The following IDO2 variants were observed in gnomAD, a reference collection of about 807,000 sequenced individuals.
The protein encoded by IDO2 is indoleamine 2,3-dioxygenase 2.
In IDO2, 46 loss-of-function variants were observed where a neutral mutation model predicts 45.1. That is an observed-to-expected ratio of 1.02 (90% CI 0.80 to 1.30). The LOEUF (loss-of-function observed/expected upper bound fraction) is 1.30, where lower values mean the gene tolerates loss of function less well. Ranked by LOEUF, IDO2 falls within the 50% of genes most tolerant of loss-of-function variation. The pLI, the probability that IDO2 is intolerant of heterozygous loss-of-function variation, is 0.00. For synonymous variants in IDO2, 218 were observed against 184.9 expected (o/e 1.18, Z -1.45); for missense variants, 544 against 491.8 (o/e 1.11, Z -1.00).
intron 3 of IDO2, among the ~76,000 whole-genome samples, chr8:39,978,598 G>T (rs187354402): frequency 7.2e-4 from 109 of 152,226 alleles, no homozygotes; most frequent in Non-Finnish European, 1.2e-4. Flanking sequence ...TTGTGCTCCT[G>T]CTCCTGTTTG....
At chr8:39,985,511 C>T in exon 6 of IDO2, 1 of 1,564,644 alleles carries the variant, frequency 6.4e-7, no homozygotes, top group Non-Finnish European at 8.7e-7. Context: ...GGGCTAGATT[C>T]CTGGAAATTG....
exon 1 of IDO2, chr8:39,934,926 G>C: frequency 1.7e-6 from 1 of 586,454 alleles, no homozygotes; most frequent in Non-Finnish European, 3.1e-6. Flanking sequence ...CTGCAAAGTT[G>C]AGTCCATACA....
chr8:39,993,226 GT>G (rs796557058), intron 8 of IDO2, among the ~76,000 whole-genome samples: 180 of 146,202 alleles, frequency 1.2e-3, no homozygotes, highest in Middle Eastern at 3.5e-3. Context: ...TAAGACATGT[GT>G]TTTTTTTTTT....
chr8:40,008,441 T>C (rs7017498), intron 9 of IDO2, among the ~76,000 whole-genome samples: 70,240 of 151,996 alleles, frequency 0.46, 16,850 homozygotes, highest in South Asian at 0.54. Context: ...AAAGGTCTTA[T>C]GTGATTAGAT....
intron 9 of IDO2, among the ~76,000 whole-genome samples, chr8:40,011,984 T>C (rs781251565): frequency 2.6e-5 from 4 of 152,174 alleles, no homozygotes; most frequent in Non-Finnish European, 4.4e-5. Flanking sequence ...GTTGCCCCAA[T>C]TGCGGAGGCC....
intron 2 of IDO2, among the ~76,000 whole-genome samples, chr8:39,953,060 G>C (rs10108429): frequency 6.6e-6 from 1 of 151,850 alleles, no homozygotes; most frequent in African/African-American, 2.4e-5. Flanking sequence ...GAACCACTGC[G>C]CCTGGCCTAA....
chr8:40,007,617 A>C (rs1383060249), intron 9 of IDO2, among the ~76,000 whole-genome samples: 1 of 152,250 alleles, frequency 6.6e-6, no homozygotes, highest in Non-Finnish European at 1.5e-5. Flanking sequence ...CTATAGATGC[A>C]GAAACAGACT....
At position 39,982,644 on chromosome 8, in the gene IDO2, T is replaced by A; in HGVS notation, c.316-8T>A. 1 of 1,567,128 alleles carries A rather than the reference T, an allele frequency of 6.4e-7. No individual in the cohort carries two copies. The highest frequency in any genetic ancestry group is 8.7e-7 in the Non-Finnish European group (1 of 1,143,536). ...AATATGCTATTTGTCTGGATTTATA[T>A]CTGAAAGGTCCTGCCAAGGAATCTT... On this transcript the variant is annotated splice_region_variant and splice_polypyrimidine_tract_variant and intron_variant, in intron 4 of 10. Transcript: ENST00000502986.
chr8:39,952,156 C>T (rs1807823450), intron 2 of IDO2, among the ~76,000 whole-genome samples: 1 of 152,098 alleles, frequency 6.6e-6, no homozygotes, highest in South Asian at 2.1e-4. Flanking sequence ...CAAAATCTGC[C>T]CCAGGTTGCT....
chr8:39,998,106 A>T (rs577719430), intron 8 of IDO2: 2 of 216,420 alleles, frequency 9.2e-6, no homozygotes, highest in East Asian at 2.2e-4. Flanking sequence ...TAACTGTCAA[A>T]GCCTATGGTA....
intron 9 of IDO2, among the ~76,000 whole-genome samples, chr8:40,007,777 C>T (rs1389118723): frequency 1.3e-5 from 2 of 152,136 alleles, no homozygotes; most frequent in Admixed American, 6.5e-5. Context: ...TTCTGTAAGT[C>T]GGAATCATAG....
chr8:40,007,392 T>C (rs534907311), intron 9 of IDO2, among the ~76,000 whole-genome samples: 3 of 152,162 alleles, frequency 2.0e-5, no homozygotes, highest in African/African-American at 7.2e-5. Context: ...GAATCCTCCT[T>C]GTAGAGGGTA....
intron 9 of IDO2, 94 bp downstream of exon 9, chr8:40,005,472 A>G: frequency 2.7e-6 from 2 of 734,728 alleles, no homozygotes; most frequent in Non-Finnish European, 4.2e-6. Context: ...CTAGCGTAAG[A>G]AACATACCAA....
intron 8 of IDO2, among the ~76,000 whole-genome samples, chr8:40,000,907 AT>A (rs1388696170): frequency 2.0e-4 from 31 of 152,150 alleles, no homozygotes; most frequent in African/African-American, 6.7e-4. Flanking sequence ...TCTTTTGTTT[AT>A]TTGTTTATTG....
At chr8:39,944,021 T>G (rs1398441336) in intron 1 of IDO2, among the ~76,000 whole-genome samples, 1 of 152,102 alleles carries the variant, frequency 6.6e-6, no homozygotes, top group Non-Finnish European at 1.5e-5. Flanking sequence ...GAACCATAAA[T>G]CAAACAACTT....
chr8:39,938,699 G>T (rs962103047), intron 1 of IDO2, among the ~76,000 whole-genome samples: 2 of 151,978 alleles, frequency 1.3e-5, no homozygotes, highest in South Asian at 4.1e-4. Context: ...TGTGATAAAA[G>T]ACAATTATCA....
At chr8:39,948,305 G>A (rs946833692) in intron 1 of IDO2, among the ~76,000 whole-genome samples, 6 of 152,162 alleles carry the variant, frequency 3.9e-5, no homozygotes, top group Non-Finnish European at 7.3e-5. Context: ...CACCTTCTGA[G>A]CTTCTGGCAG....
chr8:39,936,199 G>T (rs183679178), intron 1 of IDO2, among the ~76,000 whole-genome samples: 15 of 152,196 alleles, frequency 9.9e-5, no homozygotes, highest in Admixed American at 5.9e-4. Flanking sequence ...ATTTTACAAG[G>T]TCATCTATTT....
At chr8:39,938,407 C>A (rs867937132) in intron 1 of IDO2, among the ~76,000 whole-genome samples, 2 of 151,974 alleles carry the variant, frequency 1.3e-5, no homozygotes, top group East Asian at 3.9e-4. Flanking sequence ...TCACTTTATC[C>A]TTGATTTATT....
Sources: allele counts gnomAD v4.1 joint callset (sites outside exome capture counted in the v4.1 genomes callset), GRCh38; gene constraint gnomAD v4.1.1; transcripts MANE v1.5; gene names NCBI Gene and HGNC (gene_info 2026-07-23, HGNC 2026-07-21).